VPS13A: variants seen among roughly 807,000 people sequenced by gnomAD.
The protein encoded by VPS13A is intermembrane lipid transfer protein VPS13A.
VPS13A carries 264 observed loss-of-function variants against 390.9 expected under a neutral mutation model. The ratio of observed to expected loss-of-function variants is 0.68; its 90% CI spans 0.61 to 0.75. The LOEUF (loss-of-function observed/expected upper bound fraction) is 0.75, where lower values mean the gene tolerates loss of function less well. Ranked by LOEUF, VPS13A falls within the 30% of genes least tolerant of loss-of-function variation. The pLI is 0.00. For missense variants in VPS13A, 3,409 were observed against 3,733.9 expected (o/e 0.91, Z 2.27); for synonymous variants, 1,231 against 1,227.1 (o/e 1.00, Z -0.07).
intron 31 of VPS13A, among the ~76,000 whole-genome samples, chr9:77,283,909 G>A (rs942895576): frequency 1.4e-4 from 21 of 150,912 alleles, no homozygotes; most frequent in Admixed American, 2.6e-4. Context: ...AGATAAGTAC[G>A]AATAATGCTG....
At chr9:77,224,698 T>TGAGAACATTG (rs1202036085) in intron 13 of VPS13A, among the ~76,000 whole-genome samples, 2 of 152,202 alleles carry the variant, frequency 1.3e-5, no homozygotes, top group Non-Finnish European at 2.9e-5. Flanking sequence ...CTGGTGAAGA[T>TGAGAACATTG]GAGAACATTG....
intron 1 of VPS13A, among the ~76,000 whole-genome samples, chr9:77,191,654 T>A (rs904772471): frequency 3.3e-5 from 5 of 152,160 alleles, no homozygotes; most frequent in African/African-American, 1.2e-4. Context: ...CCAAAAGTCA[T>A]TCAGGAGTGG....
intron 68 of VPS13A, chr9:77,382,522 G>A (rs529277700): frequency 1.2e-4 from 153 of 1,238,180 alleles, no homozygotes; most frequent in Admixed American, 3.3e-4. Flanking sequence ...ATGTATCCTC[G>A]TCATTGGTGG....
At chr9:77,307,865 T>C in intron 34 of VPS13A, 80 bp from the exon 35 acceptor site, 3 of 1,165,002 alleles carry the variant, frequency 2.6e-6, no homozygotes, top group Middle Eastern at 2.7e-4. Context: ...TTCATTTTTC[T>C]CCTCTGAGAA....
At position 77,225,829 on chromosome 9, in the gene VPS13A, C is replaced by T. The variant is rs564588105; in HGVS notation, c.1162-97C>T. The stretch of plus-strand genomic sequence containing the variant: ...TTCTGTTGTTTGCTTCCTATTATAT[C>T]TTTTCTTTAGTGCAGCCATTTGATA... On this transcript the variant is annotated intron_variant, in intron 13 of 71. Transcript: ENST00000360280. The T allele has an allele frequency of 4.4e-6, 4 of 910,236 alleles. No homozygotes were observed. In the East Asian group the frequency reaches 9.8e-5, roughly 22 times the overall value. The allele number at this position is 910,236 out of a possible 1,614,324, so 56.4% of individuals were successfully genotyped here. A position where few individuals can be genotyped will look rare whatever the true frequency, so the allele number is the denominator to read the frequency against.
In VPS13A at chr9:77,345,024, G is replaced by A. The variant is rs1236202337; in HGVS notation, c.7171G>A (p.Ala2391Thr). The change falls in exon 52 of 72, where the codon GCA becomes ACA. Residue 2391 changes from alanine (A) to threonine (T), a missense_variant. By Grantham distance (58) the Ala-to-Thr change is moderately conservative. This residue lies in a region of VPS13A where 2,717 missense variants were observed against 2,917.4 expected (regional missense o/e 0.93). Transcript: ENST00000360280. ...TTTCTTCTAGCTTGGAGGTATTATA[G>A]CAGAAGTGAATTTGGCCGAGCATTC... ...RLDNELGGII[A>T]EVNLAEHSTV... 1.2e-6 allele frequency: 2 copies of A among 1,612,140 alleles called. No homozygotes were observed. The highest frequency in any genetic ancestry group is 1.7e-6 in the Non-Finnish European group (2 of 1,179,828).
rs540476736 is a variant in VPS13A, at chr9:77,410,319, C to A, written c.9474+2712C>A. On this transcript the variant is annotated intron_variant, in intron 71 of 71. Coordinates refer to ENST00000360280, the MANE Select transcript of VPS13A (RefSeq NM_033305.3). Reference sequence around the variant, plus strand: ...AGCACTAGACATGGAAAGGAACAACCGGTACCAGCCACTGCAAAAACATGC... The same window carrying A: ...AGCACTAGACATGGAAAGGAACAACAGGTACCAGCCACTGCAAAAACATGC... Among the ~76,000 whole-genome samples, 26 of 152,066 alleles carry A rather than the reference C, an allele frequency of 1.7e-4. 2 individuals are homozygous for A. In the South Asian group the frequency reaches 2.5e-3, roughly 15 times the overall value.
At chr9:77,343,907 G>A (rs913048148) in intron 50 of VPS13A, among the ~76,000 whole-genome samples, 1 of 151,934 alleles carries the variant, frequency 6.6e-6, no homozygotes, top group Non-Finnish European at 1.5e-5. Context: ...CTCTTTTCTC[G>A]CCAGCAGTTC....
At chr9:77,404,088 TATTTAA>T (rs1834494400) in intron 69 of VPS13A, among the ~76,000 whole-genome samples, 1 of 152,324 alleles carries the variant, frequency 6.6e-6, no homozygotes, top group Admixed American at 6.5e-5. Context: ...TTAATTTTCT[TATTTAA>T]AAAGTAACAC....
chr9:77,406,899 T>A (rs910221030), intron 70 of VPS13A, among the ~76,000 whole-genome samples: 5 of 152,174 alleles, frequency 3.3e-5, no homozygotes, highest in Non-Finnish European at 4.4e-5. Flanking sequence ...CACTTCTGTT[T>A]GCCCCTGATA....
At chr9:77,334,587 T>C (rs116281480) in intron 46 of VPS13A, among the ~76,000 whole-genome samples, 7 of 152,122 alleles carry the variant, frequency 4.6e-5, no homozygotes, top group African/African-American at 1.2e-4. Context: ...TCTAAACATA[T>C]GTTTTTTGGT....
At chr9:77,264,988 TGA>T (rs1825952676) in intron 23 of VPS13A, among the ~76,000 whole-genome samples, 1 of 152,230 alleles carries the variant, frequency 6.6e-6, no homozygotes, top group South Asian at 2.1e-4. Context: ...CCTAGTTTAT[TGA>T]GAGTTTTTAG....
intron 45 of VPS13A, among the ~76,000 whole-genome samples, chr9:77,325,010 A>T (rs1157827342): frequency 6.6e-6 from 1 of 152,230 alleles, no homozygotes; most frequent in Non-Finnish European, 1.5e-5. Flanking sequence ...AGCTCCACCC[A>T]TGTGTGTTCC....
intron 31 of VPS13A, among the ~76,000 whole-genome samples, chr9:77,291,242 A>T (rs1348311013): frequency 6.6e-6 from 1 of 151,980 alleles, no homozygotes; most frequent in Non-Finnish European, 1.5e-5. Context: ...TCCTTGTGAG[A>T]ATCTAAAGCC....
At chr9:77,379,137 A>C (rs1321421057) in intron 67 of VPS13A, among the ~76,000 whole-genome samples, 6 of 121,276 alleles carry the variant, frequency 4.9e-5, no homozygotes, top group African/African-American at 1.6e-4. Flanking sequence ...CAGTGGCGTG[A>C]TTTTGGCTCA....
chr9:77,393,885 C>T (rs1184621680), intron 68 of VPS13A, among the ~76,000 whole-genome samples: 10 of 152,106 alleles, frequency 6.6e-5, no homozygotes, highest in African/African-American at 1.9e-4. Flanking sequence ...TCTCCTGTCT[C>T]GGCCTCCTGA....
chr9:77,356,305 C>T (rs988465386), intron 54 of VPS13A, among the ~76,000 whole-genome samples: 1 of 152,154 alleles, frequency 6.6e-6, no homozygotes, highest in African/African-American at 2.4e-5. Context: ...ATGAATCCCC[C>T]ATTGACCACT....
At chr9:77,390,555 G>T (rs965013301) in intron 68 of VPS13A, among the ~76,000 whole-genome samples, 3 of 152,126 alleles carry the variant, frequency 2.0e-5, no homozygotes, top group Admixed American at 6.5e-5. Context: ...TTCCTCTGGT[G>T]GTGATGATTC....
chr9:77,299,751 A>G (rs1477938187), intron 33 of VPS13A, among the ~76,000 whole-genome samples: 1 of 152,232 alleles, frequency 6.6e-6, no homozygotes, highest in East Asian at 1.9e-4. Context: ...GCCATAAAAA[A>G]GAATGAGTTC....
Sources: gnomAD v4.1 joint callset for allele counts (sites outside exome capture counted in the v4.1 genomes callset) on GRCh38, gnomAD v4.1.1 for gene constraint, gnomAD v4.1.1 regional missense constraint, MANE v1.5 for transcripts, NCBI Gene and HGNC (gene_info 2026-07-23, HGNC 2026-07-21) for gene names.